HIP1: variants seen among roughly 807,000 people sequenced by gnomAD.
HIP1 encodes the protein huntingtin-interacting protein 1.
In HIP1, 65 loss-of-function variants were observed where a neutral mutation model predicts 147.6. The observed-to-expected ratio is 0.44, with a 90% CI of 0.36 to 0.54. The LOEUF (loss-of-function observed/expected upper bound fraction) is 0.54. Ranked by LOEUF, HIP1 falls within the 20% of genes least tolerant of loss-of-function variation. HIP1 has a pLI of 0.00. For synonymous variants in HIP1, 479 were observed against 504.0 expected, an observed-to-expected ratio of 0.95 and a Z score of 0.67; for missense variants, 1,061 against 1,299.6, an observed-to-expected ratio of 0.82 and a Z score of 2.82.
chr7:75,702,174 G>A (rs1476145365), intron 1 of HIP1, among the ~76,000 whole-genome samples: 4 of 151,492 alleles, frequency 2.6e-5, no homozygotes, highest in South Asian at 2.1e-4. Flanking sequence ...GCAATGGCAC[G>A]ATCTTGGCTC....
Position 75,592,066 on chromosome 7 carries a change from C to T in HIP1, c.374G>A (p.Ser125Asn), listed in dbSNP as rs1554500875. ...LRYRNELSDMSRMWGHLSEGY... is the reference protein window; with the variant it reads ...LRYRNELSDMNRMWGHLSEGY... ...CATCTCCAAACTCACCCACATCCTG[C>T]TCATGTCACTCAATTCATTTCTGTA... is the stretch of plus-strand genomic sequence containing the variant. The change falls in exon 4 of 31, where the codon AGC (serine) becomes AAC (asparagine). Residue 125 changes from serine to asparagine, a missense_variant. By Grantham distance (46) the Ser-to-Asn change is conservative. Coordinates refer to ENST00000336926, the MANE Select transcript of HIP1 (RefSeq NM_005338.7). 6.2e-7 allele frequency: 1 copy of T among 1,614,022 alleles called. No individual in the cohort carries two copies. The highest frequency in any genetic ancestry group is 1.1e-5 in the South Asian group (1 of 91,082).
At chr7:75,587,609 A>G (rs1554499833) in intron 4 of HIP1, among the ~76,000 whole-genome samples, 3 of 152,206 alleles carry the variant, frequency 2.0e-5, no homozygotes. Context: ...TTATAGCACA[A>G]TCTTTTGTAC....
chr7:75,553,662 G>A (rs1794878311), intron 21 of HIP1, 73 bp from the exon 22 acceptor site: 6 of 1,435,696 alleles, frequency 4.2e-6, no homozygotes, highest in Non-Finnish European at 4.8e-6. Context: ...CTGGAGTGCA[G>A]TGGCGCCATC....
At chr7:75,733,314 G>A (rs1293040129) in intron 1 of HIP1, 1 of 152,484 alleles carries the variant, frequency 6.6e-6, no homozygotes, top group African/African-American at 2.4e-5. Flanking sequence ...GATAATGACT[G>A]ACCACCGTGT....
chr7:75,572,780 C>A (rs1297930054), intron 8 of HIP1, among the ~76,000 whole-genome samples: 3 of 152,224 alleles, frequency 2.0e-5, no homozygotes, highest in Non-Finnish European at 4.4e-5. Context: ...ACCCAAAACA[C>A]AGCTGCAGAC....
intron 1 of HIP1, among the ~76,000 whole-genome samples, chr7:75,628,110 A>G (rs1554508255): frequency 6.6e-6 from 1 of 152,140 alleles, no homozygotes; most frequent in East Asian, 1.9e-4. Context: ...TTCCTGGATC[A>G]TTTACCACCT....
intron 1 of HIP1, among the ~76,000 whole-genome samples, chr7:75,634,941 G>GAA (rs58461422): frequency 9.0e-4 from 56 of 62,558 alleles, no homozygotes; most frequent in Admixed American, 1.1e-3. Flanking sequence ...CACTATCTCT[G>GAA]AAAAAAAAAA....
chr7:75,545,190 T>C lies in HIP1; in HGVS notation c.2560-2A>G. 1 of 1,589,938 alleles carries C rather than the reference T, an allele frequency of 6.3e-7. No homozygotes were observed. ...AAACTCTTTAGGGGATGCTGTACCC[T>C]AGGGAAATAAAAAATAGTAATAGCC... On this transcript the variant is annotated splice_acceptor_variant, in intron 25 of 30. Transcript: ENST00000336926. LOFTEE classifies it high-confidence loss of function.
rs1169545201 is a variant in HIP1 at position 75,738,937 on chromosome 7, G to A, written c.-17C>T. The A allele has an allele frequency of 2.0e-5, 31 of 1,531,962 alleles. No homozygotes were observed. The highest frequency in any genetic ancestry group is 2.6e-5 in the Non-Finnish European group (30 of 1,140,564). 94.9% of individuals were successfully genotyped at this position (1,531,962 alleles called of 1,614,324 possible). ...CCGATCCATGTCGCCGCGAGGAGCC[G>A]AGTCAGGGGCCCTCGGCTGCCCCGG... On this transcript the variant is annotated 5_prime_UTR_variant, in exon 1 of 31. Transcript: ENST00000336926.
intron 1 of HIP1, among the ~76,000 whole-genome samples, chr7:75,683,903 G>A (rs187204125): frequency 6.7e-6 from 1 of 148,710 alleles, no homozygotes; most frequent in East Asian, 2.2e-4. Context: ...ACATGAATTT[G>A]AACAAGCTAA....
At chr7:75,643,024 G>A (rs1407340531) in intron 1 of HIP1, among the ~76,000 whole-genome samples, 3 of 152,180 alleles carry the variant, frequency 2.0e-5, no homozygotes, top group Admixed American at 6.6e-5. Context: ...GTTCCTTGAC[G>A]TAATTCGTAC....
chr7:75,664,626 A>G (rs1456832520), intron 1 of HIP1, among the ~76,000 whole-genome samples: 5 of 151,446 alleles, frequency 3.3e-5, no homozygotes, highest in African/African-American at 1.2e-4. Context: ...AGACAGGCAG[A>G]CGGACAGACA....
intron 7 of HIP1, among the ~76,000 whole-genome samples, chr7:75,580,252 A>G (rs1795989168): frequency 6.6e-6 from 1 of 152,206 alleles, no homozygotes; most frequent in Non-Finnish European, 1.5e-5. Flanking sequence ...AATCGTGCCC[A>G]TGAGCCAGCC....
chr7:75,596,189 T>C (rs1437227802), intron 2 of HIP1, among the ~76,000 whole-genome samples: 1 of 145,180 alleles, frequency 6.9e-6, no homozygotes, highest in Non-Finnish European at 1.5e-5. Context: ...CTCCAACTGA[T>C]TGTGTCACTG....
intron 1 of HIP1, among the ~76,000 whole-genome samples, chr7:75,664,107 C>A (rs12540628): frequency 1.3e-5 from 1 of 74,284 alleles, no homozygotes; most frequent in Non-Finnish European, 2.8e-5. Context: ...TGCATACATA[C>A]ATGTATGCAT....
At chr7:75,626,936 C>T (rs1054101668) in intron 1 of HIP1, 12 of 152,086 alleles carry the variant, frequency 7.9e-5, no homozygotes, top group African/African-American at 2.7e-4. Context: ...AGAACCTACA[C>T]TAAATTGTTA....
At chr7:75,567,170 T>TG (rs1795439179) in intron 9 of HIP1, among the ~76,000 whole-genome samples, 1 of 150,268 alleles carries the variant, frequency 6.7e-6, no homozygotes, top group Admixed American at 6.6e-5. Context: ...GGTTTTTTTT[T>TG]GTTTTTTTTT....
rs782326207 is a variant in HIP1, at chr7:75,553,575, A to G, written c.2173T>C (p.Cys725Arg). The G allele has an allele frequency of 1.2e-6, 2 of 1,613,866 alleles. No individual in the cohort carries two copies. The highest frequency in any genetic ancestry group is 1.7e-6 in the Non-Finnish European group (2 of 1,179,910). ...PEPADSLTEACKQYGRETLAY... is the reference protein window; with the variant it reads ...PEPADSLTEARKQYGRETLAY... ...AGGGTTTCCCTGCCATACTGCTTAC[A>G]GGCCTCGGTCAGTGCTGGAGATACA... The change falls in exon 22 of 31, where the codon TGT (cysteine) becomes CGT (arginine). Residue 725 changes from cysteine (C) to arginine (R), a missense_variant. Cys to Arg is a radical substitution (Grantham distance 180). This residue lies in a region of HIP1 where 810 missense variants were observed against 946.8 expected (regional missense o/e 0.86). Coordinates refer to ENST00000336926, the MANE Select transcript of HIP1 (RefSeq NM_005338.7).
chr7:75,538,749 T>C (rs1166318597), intron 30 of HIP1, among the ~76,000 whole-genome samples: 1 of 152,062 alleles, frequency 6.6e-6, no homozygotes, highest in Non-Finnish European at 1.5e-5. Flanking sequence ...TAATTTTTTG[T>C]ATTTTTAGTA....
Sources: allele counts gnomAD v4.1 joint callset (sites outside exome capture counted in the v4.1 genomes callset), GRCh38; gene constraint gnomAD v4.1.1; regional missense constraint gnomAD v4.1.1; transcripts MANE v1.5; gene names NCBI Gene and HGNC (gene_info 2026-07-23, HGNC 2026-07-21).